GDPD5: variants seen among roughly 807,000 people sequenced by gnomAD.
GDPD5 encodes glycerophosphodiester phosphodiesterase 2.
A neutral mutation model predicts 75.1 loss-of-function variants in GDPD5; 48 were observed. The ratio of observed to expected loss-of-function variants is 0.64; its 90% CI spans 0.51 to 0.81. The LOEUF (loss-of-function observed/expected upper bound fraction) is 0.81, where lower values mean the gene tolerates loss of function less well. Ranked by LOEUF, GDPD5 falls within the 40% of genes least tolerant of loss-of-function variation. The probability of loss-of-function intolerance (pLI) is 0.00; values close to 1 mark genes in which losing one functional copy is unlikely to be tolerated. For synonymous variants in GDPD5, 336 were observed against 339.0 expected (o/e 0.99, Z 0.10); for missense variants, 706 against 822.6 (o/e 0.86, Z 1.73).
intron 6 of GDPD5, 117 bp downstream of exon 6, chr11:75,456,640 A>C: frequency 1.0e-6 from 1 of 954,960 alleles, no homozygotes; most frequent in Non-Finnish European, 1.7e-6. Flanking sequence ...AGCCTTAGCT[A>C]TGAGAACAAT....
chr11:75,471,135 C>T (rs948453508), intron 3 of GDPD5, among the ~76,000 whole-genome samples: 1 of 152,228 alleles, frequency 6.6e-6, no homozygotes, highest in Non-Finnish European at 1.5e-5. Flanking sequence ...GCCTGTTCCA[C>T]CTTCACCAAG....
rs139229455 is a variant in GDPD5 at position 75,462,814 on chromosome 11, C to T, written c.193G>A (p.Val65Ile). The change falls in exon 4 of 17, where the codon GTC becomes ATC. Residue 65 changes from valine (V) to isoleucine (I), a missense_variant. Val to Ile is a conservative substitution (Grantham distance 29). Transcript: ENST00000336898. ...TTGAATTCATCATAGTCATTGTGGA[C>T]TTCCCACCAGAAGTAAAGCCAGGTG... ...TLTWLYFWWEVHNDYDEFNWY... is the reference protein window; with the variant it reads ...TLTWLYFWWEIHNDYDEFNWY... 182 of 1,613,934 alleles carry T rather than the reference C, an allele frequency of 1.1e-4. No homozygotes were observed. The African/African-American group carries it at 2.0e-3, about 18-fold the overall frequency.
At chr11:75,501,081 A>G (rs1225811115) in intron 1 of GDPD5, among the ~76,000 whole-genome samples, 2 of 152,202 alleles carry the variant, frequency 1.3e-5, no homozygotes, top group Admixed American at 6.5e-5. Context: ...CTGGGTCCCC[A>G]ACACCGAGGC....
Position 75,435,347 on chromosome 11 carries a change from A to C in GDPD5, c.*160T>G, listed in dbSNP as rs974646219. The C allele has an allele frequency of 3.4e-6, 2 of 584,782 alleles. No homozygotes were observed. The highest frequency in any genetic ancestry group is 5.7e-6 in the Non-Finnish European group (2 of 348,656). 36.2% of individuals were successfully genotyped at this position (584,782 alleles called of 1,614,324 possible). On this transcript the variant is annotated 3_prime_UTR_variant, in exon 17 of 17. Transcript: ENST00000336898. ...CCCAGCTGGGCCTCAGGAGACAGGG[A>C]GTCCCCCTCAAGAGAGGCTGCGGCT...
Position 75,462,827 on chromosome 11 carries a change from G to A in GDPD5, c.180C>T (p.Tyr60=), listed in dbSNP as rs142502078. 7.7e-5 allele frequency: 124 copies of A among 1,614,062 alleles called. 1 individual carries two copies. The highest frequency in any genetic ancestry group is 1.7e-4 in the Middle Eastern group (1 of 6,058). Residue 60 remains tyrosine (Y), a synonymous_variant, in exon 4 of 17, where the codon TAC becomes TAT. Transcript: ENST00000336898. ...AGTCATTGTGGACTTCCCACCAGAA[G>A]TAAAGCCAGGTGAGCGTGAGGCCAA... ...FTFGLTLTWL[Y]FWWEVHNDYD... is the part of the protein sequence containing the mutation.
At chr11:75,484,930 A>G (rs978640065) in intron 2 of GDPD5, among the ~76,000 whole-genome samples, 7 of 152,184 alleles carry the variant, frequency 4.6e-5, no homozygotes, top group African/African-American at 1.4e-4. Context: ...AATGGTCTTA[A>G]CAGATTGCAA....
At chr11:75,443,037 TG>T in intron 11 of GDPD5, 98 bp downstream of exon 11, 2 of 1,374,126 alleles carry the variant, frequency 1.5e-6, no homozygotes, top group Non-Finnish European at 2.0e-6. Flanking sequence ...GCTCTGAGAG[TG>T]GGGGTCTCGA....
chr11:75,457,252 A>T (rs918124096), intron 5 of GDPD5, among the ~76,000 whole-genome samples: 1 of 152,230 alleles, frequency 6.6e-6, no homozygotes, highest in Non-Finnish European at 1.5e-5. Context: ...GGCTCCTGGA[A>T]GAGGAAGCCT....
At chr11:75,481,239 C>T (rs115078230) in intron 2 of GDPD5, among the ~76,000 whole-genome samples, 135 of 152,312 alleles carry the variant, frequency 8.9e-4, no homozygotes, top group African/African-American at 3.1e-3. Flanking sequence ...CGTAGGAGCA[C>T]GCTGGGCTTC....
chr11:75,487,591 G>A (rs1950041458), intron 2 of GDPD5, among the ~76,000 whole-genome samples: 1 of 152,234 alleles, frequency 6.6e-6, no homozygotes, highest in African/African-American at 2.4e-5. Context: ...TCTTTCCACG[G>A]TGATGCCAGG....
chr11:75,438,844 T>C, intron 15 of GDPD5: 1 of 166,706 alleles, frequency 6.0e-6, no homozygotes. Flanking sequence ...AGATAGAATG[T>C]AAAGAAGAGA....
At chr11:75,474,379 C>CAA (rs2135354490) in intron 3 of GDPD5, among the ~76,000 whole-genome samples, 1 of 152,314 alleles carries the variant, frequency 6.6e-6, no homozygotes, top group African/African-American at 2.4e-5. Context: ...GAACAGTCTT[C>CAA]TGTCCTACCA....
chr11:75,496,107 G>T (rs537762204), intron 1 of GDPD5, among the ~76,000 whole-genome samples: 48 of 152,330 alleles, frequency 3.2e-4, no homozygotes, highest in South Asian at 1.0e-3. Flanking sequence ...GGGAGCCAGG[G>T]TGCCCCGGGT....
rs144596858 is a variant in GDPD5, at chr11:75,441,667, T to C, written c.1304A>G (p.Gln435Arg). ...HIQRLNLRYTQVSRQELRDYA... is the reference protein window; with the variant it reads ...HIQRLNLRYTRVSRQELRDYA... ...GCACCTGAGCTCCTGGCGGGACACC[T>C]GAGTGTAGCGCAGGTTCAGCCGCTG... is the stretch of plus-strand genomic sequence containing the variant. The change falls in exon 13 of 17, where the codon CAG becomes CGG. Residue 435 changes from glutamine (Q) to arginine (R), a missense_variant. Transcript: ENST00000336898. 6.3e-7 allele frequency: 1 copy of C among 1,594,594 alleles called. No individual in the cohort carries two copies. Among genetic ancestry groups the C allele is most frequent in the East Asian group, 2.3e-5 (1 of 43,944 alleles).
At chr11:75,439,634 T>A (rs1267401113) in intron 15 of GDPD5, among the ~76,000 whole-genome samples, 1 of 152,114 alleles carries the variant, frequency 6.6e-6, no homozygotes, top group Non-Finnish European at 1.5e-5. Flanking sequence ...GAGCTGAAAT[T>A]CACCTAAGCC....
intron 3 of GDPD5, among the ~76,000 whole-genome samples, chr11:75,465,654 G>T (rs1949499587): frequency 6.6e-6 from 1 of 152,182 alleles, no homozygotes; most frequent in African/African-American, 2.4e-5. Flanking sequence ...TTAACACCCA[G>T]TTCCCACAAA....
At chr11:75,451,366 G>C (rs1438161485) in intron 6 of GDPD5, 1 of 152,294 alleles carries the variant, frequency 6.6e-6, no homozygotes, top group East Asian at 1.9e-4. Flanking sequence ...GTGGTCCCCA[G>C]GTTGGTTCCG....
chr11:75,443,407 C>T lies in GDPD5; in HGVS notation c.798-121G>A, dbSNP rs1948889720. 2.6e-6 allele frequency: 3 copies of T among 1,165,824 alleles called. No homozygotes were observed. The East Asian group carries it at 7.7e-5, about 30-fold the overall frequency. The allele number at this position is 1,165,824 out of a possible 1,614,324, so 72.2% of individuals were successfully genotyped here. On this transcript the variant is annotated intron_variant, in intron 10 of 16. Coordinates refer to ENST00000336898, the MANE Select transcript of GDPD5 (RefSeq NM_030792.8). ...CAGGATCCCGGCTGGCTCTGCCCCT[C>T]TCTGGGCCTCAGTCTCCCCATCTGC...
intron 3 of GDPD5, among the ~76,000 whole-genome samples, chr11:75,465,922 G>A (rs1032576758): frequency 1.4e-4 from 21 of 152,254 alleles, no homozygotes; most frequent in African/African-American, 4.8e-4. Context: ...CAGGGCCCAG[G>A]GGCAAGGCTG....
Sources: allele counts gnomAD v4.1 joint callset (sites outside exome capture counted in the v4.1 genomes callset), GRCh38; gene constraint gnomAD v4.1.1; transcripts MANE v1.5; gene names NCBI Gene and HGNC (gene_info 2026-07-23, HGNC 2026-07-21).